The following DENND4C variants were observed in gnomAD, a reference collection of about 807,000 sequenced individuals.
DENND4C encodes the protein DENN domain containing 4C.
A neutral mutation model predicts 203.0 loss-of-function variants in DENND4C; 108 were observed. The observed-to-expected ratio is 0.53, with a 90% CI of 0.46 to 0.62. The LOEUF is 0.62. DENND4C is among the 20% of genes least tolerant of loss of function. The probability of loss-of-function intolerance (pLI) is 0.00; values close to 1 mark genes in which losing one functional copy is unlikely to be tolerated. For missense variants in DENND4C, 2,481 were observed against 2,301.2 expected (o/e 1.08, Z -1.60); for synonymous variants, 871 against 792.4 (o/e 1.10, Z -1.67).
intron 24 of DENND4C, among the ~76,000 whole-genome samples, chr9:19,351,756 G>A (rs912952801): frequency 6.7e-6 from 1 of 149,730 alleles, no homozygotes; most frequent in Non-Finnish European, 1.5e-5. Context: ...GCAGTGAGCC[G>A]AGATTGTACC....
intron 1 of DENND4C, among the ~76,000 whole-genome samples, chr9:19,258,780 G>C (rs12555801): frequency 6.6e-6 from 1 of 151,938 alleles, no homozygotes; most frequent in Non-Finnish European, 1.5e-5. Context: ...TCAGCCTCCA[G>C]AGTAGCTGGG....
chr9:19,353,267 T>G (rs930301317), intron 26 of DENND4C, among the ~76,000 whole-genome samples: 1 of 152,178 alleles, frequency 6.6e-6, no homozygotes. Flanking sequence ...CCTAGGGAAT[T>G]ATACTTAATA....
intron 1 of DENND4C, among the ~76,000 whole-genome samples, chr9:19,243,580 A>G (rs1011828535): frequency 1.3e-5 from 2 of 152,120 alleles, no homozygotes; most frequent in Non-Finnish European, 2.9e-5. Context: ...GGATTTGCCT[A>G]TTGTGGATAT....
At chr9:19,355,721 A>G (rs1825245414) in intron 26 of DENND4C, among the ~76,000 whole-genome samples, 1 of 151,918 alleles carries the variant, frequency 6.6e-6, no homozygotes, top group Admixed American at 6.6e-5. Context: ...TATTGTTATT[A>G]TTTTTTGTAT....
intron 23 of DENND4C, among the ~76,000 whole-genome samples, chr9:19,350,395 T>G (rs528257164): frequency 2.0e-5 from 3 of 152,286 alleles, no homozygotes; most frequent in East Asian, 3.9e-4. Context: ...GATTCCTGAT[T>G]CCATTGGAGA....
chr9:19,298,649 G>A (rs2131292113), intron 7 of DENND4C, among the ~76,000 whole-genome samples: 1 of 152,142 alleles, frequency 6.6e-6, no homozygotes, highest in South Asian at 2.1e-4. Flanking sequence ...ATAGGAGAGA[G>A]GTCAGATTGT....
rs1341284887 is a variant in DENND4C, at chr9:19,296,103, G to C, written c.897G>C (p.Glu299Asp). The change falls in exon 6 of 33, where the codon GAG becomes GAC. Residue 299 changes from glutamate (E) to aspartate (D), a missense_variant. Physicochemically the swap from Glu to Asp is conservative, Grantham distance 45. This residue lies in a region of DENND4C where 2,289 missense variants were observed against 2,113.3 expected (regional missense o/e 1.08). Transcript: ENST00000434457. ...LMHLGLLTPVERKMVSKSINT... is the reference protein window; with the variant it reads ...LMHLGLLTPVDRKMVSKSINT... ...ACCTGGGCTTGTTGACGCCTGTGGAGAGAAAAATGGTCTCCAAATCCATCA... is the reference window on the plus strand; with the variant it reads ...ACCTGGGCTTGTTGACGCCTGTGGACAGAAAAATGGTCTCCAAATCCATCA... The C allele has an allele frequency of 1.9e-6, 3 of 1,614,046 alleles. No individual in the cohort carries two copies. The highest frequency in any genetic ancestry group is 2.5e-6 in the Non-Finnish European group (3 of 1,180,000).
chr9:19,235,757 C>T (rs1312433036), intron 1 of DENND4C, among the ~76,000 whole-genome samples: 2 of 151,732 alleles, frequency 1.3e-5, no homozygotes, highest in African/African-American at 4.8e-5. Flanking sequence ...ACTTTAGGTG[C>T]CCGCCACCAC....
intron 1 of DENND4C, among the ~76,000 whole-genome samples, chr9:19,267,394 A>C (rs1466933444): frequency 6.6e-6 from 1 of 152,154 alleles, no homozygotes; most frequent in African/African-American, 2.4e-5. Flanking sequence ...TTATCTTAAA[A>C]TCTGTTTTAT....
intron 17 of DENND4C, 103 bp from the exon 18 acceptor site, chr9:19,334,874 A>C: frequency 8.3e-7 from 1 of 1,209,980 alleles, no homozygotes; most frequent in African/African-American, 1.5e-5. Flanking sequence ...ACAAAGGAGA[A>C]AATACTGCTT....
chr9:19,327,423 TATTA>T (rs1270793757), intron 15 of DENND4C, among the ~76,000 whole-genome samples: 4 of 152,038 alleles, frequency 2.6e-5, no homozygotes, highest in East Asian at 1.9e-4. Context: ...AATAATTTGA[TATTA>T]ATTATAATAA....
At chr9:19,284,000 G>A (rs1284056823) in intron 2 of DENND4C, among the ~76,000 whole-genome samples, 5 of 152,136 alleles carry the variant, frequency 3.3e-5, no homozygotes, top group South Asian at 4.2e-4. Flanking sequence ...CAGTTCTTTT[G>A]TTTTTTGAGA....
chr9:19,308,144 G>A (rs778381943), intron 10 of DENND4C, among the ~76,000 whole-genome samples: 9 of 152,070 alleles, frequency 5.9e-5, no homozygotes, highest in Non-Finnish European at 8.8e-5. Flanking sequence ...TAGGAACAAA[G>A]CTGTTCTGAT....
At chr9:19,235,556 C>T (rs1230636366) in intron 1 of DENND4C, among the ~76,000 whole-genome samples, 2 of 150,236 alleles carry the variant, frequency 1.3e-5, no homozygotes, top group Admixed American at 1.3e-4. Context: ...TTCATTCAAA[C>T]CTAATTATCT....
At chr9:19,276,025 T>C in intron 1 of DENND4C, 133 bp from the exon 2 acceptor site, 1 of 448,096 alleles carries the variant, frequency 2.2e-6, no homozygotes, top group Non-Finnish European at 3.7e-6. Context: ...GCAGGCTTCT[T>C]CTCAGAATGG....
At chr9:19,325,027 C>G (rs1243244593) in intron 13 of DENND4C, among the ~76,000 whole-genome samples, 1 of 152,078 alleles carries the variant, frequency 6.6e-6, no homozygotes, top group South Asian at 2.1e-4. Context: ...AGTAAATTTT[C>G]TCTTTAAATC....
intron 22 of DENND4C, 54 bp downstream of exon 22, chr9:19,342,833 A>G (rs966452133): frequency 8.0e-6 from 11 of 1,382,990 alleles, no homozygotes; most frequent in East Asian, 2.7e-5. Flanking sequence ...TTATAGACTC[A>G]TATGTGTCTT....
At chr9:19,251,838 C>G (rs768779446) in intron 1 of DENND4C, among the ~76,000 whole-genome samples, 1 of 152,198 alleles carries the variant, frequency 6.6e-6, no homozygotes, top group Non-Finnish European at 1.5e-5. Flanking sequence ...TCAGCCTGAA[C>G]TTTATTGTCC....
At chr9:19,248,110 C>G (rs1588733435) in intron 1 of DENND4C, among the ~76,000 whole-genome samples, 1 of 152,108 alleles carries the variant, frequency 6.6e-6, no homozygotes, top group Admixed American at 6.5e-5. Flanking sequence ...ACATGTCACT[C>G]TCATTTGAAG....
Sources: gnomAD v4.1 joint callset for allele counts (sites outside exome capture counted in the v4.1 genomes callset) on GRCh38, gnomAD v4.1.1 for gene constraint, gnomAD v4.1.1 regional missense constraint, MANE v1.5 for transcripts, NCBI Gene and HGNC (gene_info 2026-07-23, HGNC 2026-07-21) for gene names.